Variants in CDC42SE2 observed in about 807,000 individuals in gnomAD.
The protein encoded by CDC42SE2 is CDC42 small effector protein 2.
In CDC42SE2, 3 loss-of-function variants were observed where a neutral mutation model predicts 11.5. The observed-to-expected ratio is 0.26, with a 90% CI of 0.12 to 0.67. The LOEUF (loss-of-function observed/expected upper bound fraction) is 0.67. Ranked by LOEUF, CDC42SE2 falls within the 30% of genes least tolerant of loss-of-function variation. The probability of loss-of-function intolerance (pLI) is 0.80; values close to 1 mark genes in which losing one functional copy is unlikely to be tolerated. For synonymous variants in CDC42SE2, 33 were observed against 34.8 expected (o/e 0.95, Z 0.18); for missense variants, 82 against 106.8 (o/e 0.77, Z 1.02).
chr5:131,379,634 G>A (rs1750260254), intron 3 of CDC42SE2, among the ~76,000 whole-genome samples: 1 of 152,090 alleles, frequency 6.6e-6, no homozygotes, highest in Non-Finnish European at 1.5e-5. Context: ...AAAGTTATGG[G>A]AAGAGACATT....
intron 1 of CDC42SE2, among the ~76,000 whole-genome samples, chr5:131,302,403 T>C (rs1450595750): frequency 6.6e-6 from 1 of 152,186 alleles, no homozygotes; most frequent in Non-Finnish European, 1.5e-5. Context: ...GGTCACGAAC[T>C]CCCGACCTCG....
At chr5:131,377,031 A>C (rs1750174180) in intron 3 of CDC42SE2, among the ~76,000 whole-genome samples, 1 of 152,082 alleles carries the variant, frequency 6.6e-6, no homozygotes, top group South Asian at 2.1e-4. Context: ...GGGTCAAATG[A>C]TACTTCTGTT....
chr5:131,335,743 G>C (rs1430012304), intron 2 of CDC42SE2, among the ~76,000 whole-genome samples: 3 of 152,120 alleles, frequency 2.0e-5, no homozygotes, highest in Non-Finnish European at 4.4e-5. Context: ...TGTCTCTTTT[G>C]ATCTTTGCTG....
intron 2 of CDC42SE2, among the ~76,000 whole-genome samples, chr5:131,356,811 G>A (rs1472799197): frequency 5.9e-5 from 9 of 152,070 alleles, no homozygotes; most frequent in Admixed American, 3.9e-4. Context: ...GGGAGGCTAA[G>A]GCAGGAGGAT....
chr5:131,262,955 A>AT (rs10708076), upstream of CDC42SE2, among the ~76,000 whole-genome samples: 122 of 147,368 alleles, frequency 8.3e-4, no homozygotes, highest in Middle Eastern at 0.028. Context: ...AAGATGGAGA[A>AT]TTTTTTTTTT....
intron 1 of CDC42SE2, among the ~76,000 whole-genome samples, chr5:131,273,473 T>C (rs1224120557): frequency 1.3e-5 from 2 of 148,962 alleles, no homozygotes; most frequent in African/African-American, 4.9e-5. Context: ...TTTTTTTAAT[T>C]AAAAAACTTT....
chr5:131,257,392 C>A (rs1018310497), intron 2 of CDC42SE2, among the ~76,000 whole-genome samples: 1 of 151,928 alleles, frequency 6.6e-6, no homozygotes, highest in African/African-American at 2.4e-5. Context: ...CCACCGTGCC[C>A]GGCCTCATGA....
At position 131,391,696 on chromosome 5, in the gene CDC42SE2, A is replaced by G. The variant is rs1453784892; in HGVS notation, c.*605A>G. 1 of 152,180 alleles carries G rather than the reference A, an allele frequency of 6.6e-6. No individual in the cohort carries two copies. Among genetic ancestry groups the G allele is most frequent in the African/African-American group, 2.4e-5 (1 of 41,422 alleles). The allele number at this position is 152,180 out of a possible 1,614,324, so 9.4% of individuals were successfully genotyped here. A position where few individuals can be genotyped will look rare whatever the true frequency, so the allele number is the denominator to read the frequency against. ...CAAAAAAGTACTGATACTAAAGATA[A>G]TCTCTTGGGTAGTAATTTTACAGTT... On this transcript the variant is annotated 3_prime_UTR_variant, in exon 5 of 5. Transcript: ENST00000505065.
At chr5:131,223,070 T>C in the CDC42SE2 span, among the ~76,000 whole-genome samples, 2 of 152,220 alleles carry the variant, frequency 1.3e-5, no homozygotes, top group East Asian at 1.9e-4. Flanking sequence ...CAAGCACTGT[T>C]TCTTAGCTAA....
intron 1 of CDC42SE2, among the ~76,000 whole-genome samples, chr5:131,252,082 A>AAGGAAGGG (rs1756643961): frequency 6.6e-6 from 1 of 150,556 alleles, no homozygotes; most frequent in Admixed American, 6.6e-5. Flanking sequence ...GGAAGGAAGG[A>AAGGAAGGG]AGGAAGGAAG....
chr5:131,313,603 C>T (rs1041508999), intron 1 of CDC42SE2, among the ~76,000 whole-genome samples: 3 of 152,114 alleles, frequency 2.0e-5, no homozygotes, highest in Admixed American at 2.0e-4. Flanking sequence ...TGCCTTTGTA[C>T]CCTTATGGAA....
chr5:131,216,518 A>ACAAAAC, the CDC42SE2 span, among the ~76,000 whole-genome samples: 772 of 146,092 alleles, frequency 5.3e-3, 32 homozygotes, highest in African/African-American at 0.02. Flanking sequence ...AAAAAAAAAA[A>ACAAAAC]AAAACATTAT....
At chr5:131,224,435 T>C in the CDC42SE2 span, among the ~76,000 whole-genome samples, 15,038 of 152,128 alleles carry the variant, frequency 0.099, 916 homozygotes, top group South Asian at 0.14. Flanking sequence ...GCTATGAATC[T>C]TCTCTCTCTG....
intron 2 of CDC42SE2, among the ~76,000 whole-genome samples, chr5:131,341,798 G>C (rs1238229795): frequency 6.6e-6 from 1 of 152,072 alleles, no homozygotes; most frequent in African/African-American, 2.4e-5. Flanking sequence ...GGACGGCTGA[G>C]GTAGGAGAAT....
chr5:131,268,682 C>A (rs1350664494), intron 1 of CDC42SE2, among the ~76,000 whole-genome samples: 11 of 149,248 alleles, frequency 7.4e-5, no homozygotes, highest in Admixed American at 7.3e-4. Flanking sequence ...GAACTCCCGA[C>A]TTCAGGTGAT....
At chr5:131,314,361 A>G (rs901340324) in intron 1 of CDC42SE2, among the ~76,000 whole-genome samples, 1 of 151,750 alleles carries the variant, frequency 6.6e-6, no homozygotes, top group African/African-American at 2.4e-5. Flanking sequence ...CCTCCTGAGT[A>G]GCTAGGACTA....
At chr5:131,315,413 A>G (rs955021787) in intron 1 of CDC42SE2, among the ~76,000 whole-genome samples, 7 of 152,194 alleles carry the variant, frequency 4.6e-5, no homozygotes, top group Non-Finnish European at 8.8e-5. Flanking sequence ...GCTATTAGAA[A>G]TACGTAGCAG....
intron 2 of CDC42SE2, among the ~76,000 whole-genome samples, chr5:131,258,167 A>C (rs1756693603): frequency 6.6e-6 from 1 of 152,016 alleles, no homozygotes; most frequent in African/African-American, 2.4e-5. Context: ...CAGTTTCTGA[A>C]CTTTTGCTCA....
At chr5:131,332,006 G>A (rs905935284) in intron 2 of CDC42SE2, among the ~76,000 whole-genome samples, 1 of 152,090 alleles carries the variant, frequency 6.6e-6, no homozygotes, top group African/African-American at 2.4e-5. Flanking sequence ...TAGGGTACAT[G>A]TGCACAACGT....
Sources: allele counts gnomAD v4.1 joint callset (sites outside exome capture counted in the v4.1 genomes callset), GRCh38; gene constraint gnomAD v4.1.1; transcripts MANE v1.5; gene names NCBI Gene and HGNC (gene_info 2026-07-23, HGNC 2026-07-21).